Variants in RFTN1 observed in about 807,000 individuals in gnomAD.
RFTN1 encodes the protein raftlin, lipid raft linker 1.
Under a neutral mutation model 46.5 loss-of-function variants are expected in RFTN1, and 26 were observed. The observed-to-expected ratio is 0.56, with a 90% CI of 0.41 to 0.78. The LOEUF (loss-of-function observed/expected upper bound fraction) is 0.78, where lower values mean the gene tolerates loss of function less well. Among genes scored for constraint, RFTN1 ranks in the 30% least tolerant of loss-of-function variants. RFTN1 has a pLI of 0.00. For synonymous variants in RFTN1, 261 were observed against 284.2 expected, an observed-to-expected ratio of 0.92 and a Z score of 0.82; for missense variants, 693 against 718.7, an observed-to-expected ratio of 0.96 and a Z score of 0.41.
intron 7 of RFTN1, chr3:16,347,844 C>A (rs1254328705): frequency 6.6e-6 from 1 of 152,228 alleles, no homozygotes; most frequent in Non-Finnish European, 1.5e-5. Context: ...TACACATGCT[C>A]TTAGGTCAGG....
chr3:16,403,813 T>TATAATATATAATATATATTTTATATATA lies in RFTN1; in HGVS notation c.441+5561_441+5562insTATATATAAAATATATATTATATATTAT, dbSNP rs2074697265. 2.5e-4 allele frequency among the ~76,000 whole-genome samples: 3 copies of TATAATATATAATATATATTTTATATATA among 12,068 alleles called. 1 individual carries two copies. The highest frequency in any genetic ancestry group is 1.6e-3 in the African/African-American group (3 of 1,904). 7.9% of individuals were successfully genotyped at this position (12,068 alleles called of 152,430 possible). Reference sequence around the variant, plus strand: ...TTTATATATAATATATATTATATATTTTATATTATATTTATATATAAATAT... The same window carrying TATAATATATAATATATATTTTATATATA: ...TTTATATATAATATATATTATATATTATAATATATAATATATATTTTATATATATTATATTATATTTATATATAAATAT... On this transcript the variant is annotated intron_variant, in intron 4 of 9. Coordinates refer to ENST00000334133, the MANE Select transcript of RFTN1 (RefSeq NM_015150.2).
intron 2 of RFTN1, chr3:16,472,262 G>A (rs2076212801): frequency 6.6e-6 from 1 of 152,106 alleles, no homozygotes; most frequent in African/African-American, 2.4e-5. Context: ...TGTTGGGATG[G>A]AAAGCCACTG....
rs553585597 is a variant in RFTN1 at position 16,396,319 on chromosome 3, TTC to T, written c.441+13054_441+13055del. 2.8e-3 allele frequency among the ~76,000 whole-genome samples: 424 copies of T among 152,284 alleles called. 2 individuals are homozygous for T. Among genetic ancestry groups the T allele is most frequent in the African/African-American group, 9.5e-3 (394 of 41,562 alleles). ...AAAATTTTTTTTAGAAACAGGATTT[TTC>T]TCTGTCACCCAGGCTGGAGTGCAGC... On this transcript the variant is annotated intron_variant, in intron 4 of 9. Transcript: ENST00000334133.
chr3:16,329,250 C>T lies in RFTN1; in HGVS notation c.1147-2374G>A, dbSNP rs1300836878. On this transcript the variant is annotated intron_variant, in intron 7 of 9. Coordinates refer to ENST00000334133, the MANE Select transcript of RFTN1 (RefSeq NM_015150.2). The surrounding 1 kb of genome is among the most constrained non-coding windows in gnomAD (Gnocchi z 4.5). The stretch of plus-strand genomic sequence containing the variant: ...CCTTGGACTTCCCAGCCTCCAGGAC[C>T]AGGAGCCAAGAACTGTCTGTCCTTT... 3.3e-5 allele frequency among the ~76,000 whole-genome samples: 5 copies of T among 152,218 alleles called. No individual in the cohort carries two copies. Among genetic ancestry groups the T allele is most frequent in the African/African-American group, 9.6e-5 (4 of 41,466 alleles).
Position 16,415,430 on chromosome 3 carries a change from T to TATACACACACACAC in RFTN1, c.333-5948_333-5947insGTGTGTGTGTGTAT. Reference sequence around the variant, plus strand: ...TTGAGTATATATATATATATATATATACACACACACACACACATATATACT... The same window carrying TATACACACACACAC: ...TTGAGTATATATATATATATATATATATACACACACACACACACACACACACACACATATATACT... On this transcript the variant is annotated intron_variant, in intron 3 of 9. Transcript: ENST00000334133. Among the ~76,000 whole-genome samples, 2 of 114,334 alleles carry TATACACACACACAC rather than the reference T, an allele frequency of 1.7e-5. 1 individual carries two copies. Among genetic ancestry groups the TATACACACACACAC allele is most frequent in the Non-Finnish European group, 4.0e-5 (2 of 49,512 alleles). 75.0% of individuals were successfully genotyped at this position (114,334 alleles called of 152,430 possible).
In RFTN1 at chr3:16,479,507, C is replaced by G. The variant is rs1225161012; in HGVS notation, c.145+14218G>C. Among the ~76,000 whole-genome samples, 1 of 152,220 alleles carries G rather than the reference C, an allele frequency of 6.6e-6. No individual in the cohort carries two copies. Among genetic ancestry groups the G allele is most frequent in the Non-Finnish European group, 1.5e-5 (1 of 68,038 alleles). ...AACCTCAACATCCTTCTCCCCATTCCTTGCACACCTTTACAGCATTATTCC... is the reference window on the plus strand; with the variant it reads ...AACCTCAACATCCTTCTCCCCATTCGTTGCACACCTTTACAGCATTATTCC... On this transcript the variant is annotated intron_variant, in intron 2 of 9. Transcript: ENST00000334133. The surrounding 1 kb of genome is among the most constrained non-coding windows in gnomAD (Gnocchi z 5.1).
chr3:16,369,985 A>C, intron 6 of RFTN1, 91 bp downstream of exon 6: 1 of 1,207,820 alleles, frequency 8.3e-7, no homozygotes, highest in South Asian at 1.3e-5. Flanking sequence ...AGCTTTCTGA[A>C]TGAAGCAGAC....
At position 16,315,938 on chromosome 3, in the gene RFTN1, C is replaced by T. The variant is rs1275392918; in HGVS notation, c.*890G>A. The T allele has an allele frequency of 6.6e-6, 1 of 152,208 alleles. No homozygotes were observed. The highest frequency in any genetic ancestry group is 2.4e-5 in the African/African-American group (1 of 41,430). The allele number at this position is 152,208 out of a possible 1,614,324, so 9.4% of individuals were successfully genotyped here. A position where few individuals can be genotyped will look rare whatever the true frequency, so the allele number is the denominator to read the frequency against. On this transcript the variant is annotated 3_prime_UTR_variant, in exon 10 of 10. Coordinates refer to ENST00000334133, the MANE Select transcript of RFTN1 (RefSeq NM_015150.2). ...GGTTTGGTCAAGACAATCAGCATTC[C>T]CTCTCCAAGGTTCGCCAGTTGCATC...
rs765768486 is a variant in RFTN1 at position 16,356,993 on chromosome 3, T to TA, written c.1146+938dup. 1.1e-4 allele frequency among the ~76,000 whole-genome samples: 16 copies of TA among 152,028 alleles called. No individual in the cohort carries two copies. Among genetic ancestry groups the TA allele is most frequent in the East Asian group, 9.7e-4 (5 of 5,172 alleles). On this transcript the variant is annotated intron_variant, in intron 7 of 9. Coordinates refer to ENST00000334133, the MANE Select transcript of RFTN1 (RefSeq NM_015150.2). This position sits in a 1 kb window ranked among gnomAD's most constrained non-coding sequence, Gnocchi z 4.9. ...AGCTGGGTGTGGTGGCGGGTGCCTG[T>TA]AGTCCCAGCTACTCTGGAGGCTGAG...
At chr3:16,399,339 T>C (rs1456292336) in intron 4 of RFTN1, among the ~76,000 whole-genome samples, 3 of 152,184 alleles carry the variant, frequency 2.0e-5, no homozygotes, top group Non-Finnish European at 2.9e-5. Context: ...CTCTATAGGA[T>C]AAATGGCAGC....
intron 2 of RFTN1, among the ~76,000 whole-genome samples, chr3:16,492,250 CT>C (rs2076548354): frequency 6.6e-6 from 1 of 152,134 alleles, no homozygotes; most frequent in African/African-American, 2.4e-5. Flanking sequence ...CTCAGCTGTC[CT>C]TTTTCAGAGC....
intron 2 of RFTN1, among the ~76,000 whole-genome samples, chr3:16,444,627 T>A (rs2075694646): frequency 6.6e-6 from 1 of 151,988 alleles, no homozygotes; most frequent in Admixed American, 6.6e-5. Flanking sequence ...AATAAGCGAG[T>A]TGGAAAATGA....
chr3:16,423,287 G>C (rs182613990), intron 3 of RFTN1, among the ~76,000 whole-genome samples: 1 of 152,286 alleles, frequency 6.6e-6, no homozygotes, highest in African/African-American at 2.4e-5. Flanking sequence ...CACAACTGCA[G>C]GGATGGGGGG....
intron 4 of RFTN1, among the ~76,000 whole-genome samples, chr3:16,393,606 A>G (rs1243499089): frequency 6.6e-6 from 1 of 152,098 alleles, no homozygotes; most frequent in African/African-American, 2.4e-5. Context: ...TGGGGAAAAC[A>G]TATTCAAAGC....
intron 4 of RFTN1, among the ~76,000 whole-genome samples, chr3:16,379,553 A>G (rs2073910985): frequency 6.6e-6 from 1 of 152,260 alleles, no homozygotes; most frequent in South Asian, 2.1e-4. Flanking sequence ...GCCAGAGTGC[A>G]AAACCAGGTC....
chr3:16,460,857 C>T lies in RFTN1; in HGVS notation c.146-26820G>A, dbSNP rs1406100316. Among the ~76,000 whole-genome samples the T allele has an allele frequency of 6.6e-6, 1 of 152,220 alleles. No homozygotes were observed. The highest frequency in any genetic ancestry group is 2.4e-5 in the African/African-American group (1 of 41,452). On this transcript the variant is annotated intron_variant, in intron 2 of 9. Transcript: ENST00000334133. The surrounding 1 kb of genome is among the most constrained non-coding windows in gnomAD (Gnocchi z 4.8). ...GGCCCACTCTCTCCCACCTACCCACCCCAGAATTTCTTACCCTTCATAAGG... is the reference window on the plus strand; with the variant it reads ...GGCCCACTCTCTCCCACCTACCCACTCCAGAATTTCTTACCCTTCATAAGG...
In RFTN1 at chr3:16,443,750, A is replaced by AACACACACACAC. The variant is rs57242614; in HGVS notation, c.146-9725_146-9714dup. The stretch of plus-strand genomic sequence containing the variant: ...CACACATAGTCAATGAATTACACAC[A>AACACACACACAC]ACACACACACACACACACACACACA... On this transcript the variant is annotated intron_variant, in intron 2 of 9. Coordinates refer to ENST00000334133, the MANE Select transcript of RFTN1 (RefSeq NM_015150.2). This position sits in a 1 kb window ranked among gnomAD's most constrained non-coding sequence, Gnocchi z 5.5. Among the ~76,000 whole-genome samples the AACACACACACAC allele has an allele frequency of 2.3e-3, 340 of 146,032 alleles. 1 individual carries two copies. The highest frequency in any genetic ancestry group is 9.2e-3 in the East Asian group (46 of 4,992).
intron 3 of RFTN1, among the ~76,000 whole-genome samples, chr3:16,430,373 A>C (rs1329575944): frequency 1.3e-5 from 2 of 152,104 alleles, no homozygotes; most frequent in East Asian, 3.9e-4. Flanking sequence ...TGGTCTCCCA[A>C]AGTGCTGGGA....
chr3:16,435,343 C>T (rs747921199), intron 2 of RFTN1, among the ~76,000 whole-genome samples: 3 of 152,234 alleles, frequency 2.0e-5, no homozygotes, highest in East Asian at 3.9e-4. Flanking sequence ...CCAAGGTAGG[C>T]GGATCACTTG....
Sources: allele counts gnomAD v4.1 joint callset (sites outside exome capture counted in the v4.1 genomes callset), GRCh38; gene constraint gnomAD v4.1.1; non-coding constraint Gnocchi (gnomAD v3.1); transcripts MANE v1.5; gene names NCBI Gene and HGNC (gene_info 2026-07-23, HGNC 2026-07-21).